Variants in TMEM74 observed in about 807,000 individuals in gnomAD.
TMEM74 encodes the protein transmembrane protein 74.
In TMEM74, 13 loss-of-function variants were observed where a neutral mutation model predicts 18.1. The ratio of observed to expected loss-of-function variants is 0.72; its 90% CI spans 0.47 to 1.14. The LOEUF is 1.14. Among genes scored for constraint, TMEM74 ranks in the 50% most tolerant of loss-of-function variants. The pLI, the probability that TMEM74 is intolerant of heterozygous loss-of-function variation, is 0.00. For missense variants in TMEM74, 372 were observed against 375.9 expected, an observed-to-expected ratio of 0.99 and a Z score of 0.09; for synonymous variants, 159 against 146.6, an observed-to-expected ratio of 1.08 and a Z score of -0.61.
chr8:108,745,735 A>G (rs377651986), intron 1 of TMEM74, among the ~76,000 whole-genome samples: 48 of 152,292 alleles, frequency 3.2e-4, no homozygotes, highest in African/African-American at 1.2e-3. Flanking sequence ...CAAAGAAAGA[A>G]GAAGTAAAAA....
chr8:108,642,391 C>CAA (rs34602005), intron 2 of TMEM74, among the ~76,000 whole-genome samples: 1,112 of 63,342 alleles, frequency 0.018, 37 homozygotes, highest in African/African-American at 0.063. Context: ...GACTCCATCT[C>CAA]AAAAAAAAAA....
chr8:108,657,540 A>G (rs1812831775), intron 1 of TMEM74, among the ~76,000 whole-genome samples: 2 of 151,948 alleles, frequency 1.3e-5, no homozygotes, highest in Non-Finnish European at 2.9e-5. Flanking sequence ...CCAAACCCCA[A>G]CTAAACCAAG....
intron 1 of TMEM74, among the ~76,000 whole-genome samples, chr8:108,738,334 C>T (rs1359471194): frequency 1.3e-5 from 2 of 152,188 alleles, no homozygotes; most frequent in East Asian, 1.9e-4. Flanking sequence ...TGTTTGTGCA[C>T]AGTTCAGAAC....
intron 1 of TMEM74, among the ~76,000 whole-genome samples, chr8:108,707,719 A>T (rs953283448): frequency 2.6e-5 from 4 of 152,198 alleles, no homozygotes; most frequent in Non-Finnish European, 5.9e-5. Flanking sequence ...CTTAACTGTA[A>T]GAACAGAAAC....
chr8:108,652,735 T>C (rs1812786605), intron 2 of TMEM74: 2 of 520,696 alleles, frequency 3.8e-6, no homozygotes, highest in Admixed American at 5.8e-5. Flanking sequence ...AAAGAGATTC[T>C]TTTGGAAGAC....
chr8:108,674,021 G>C (rs1813029646), intron 1 of TMEM74, among the ~76,000 whole-genome samples: 1 of 152,098 alleles, frequency 6.6e-6, no homozygotes, highest in Non-Finnish European at 1.5e-5. Flanking sequence ...TGAATGCCTA[G>C]ACTAGGTAAA....
intron 1 of TMEM74, among the ~76,000 whole-genome samples, chr8:108,743,582 T>C (rs547948610): frequency 1.3e-5 from 2 of 152,268 alleles, no homozygotes; most frequent in South Asian, 2.1e-4. Context: ...GAAAAATATA[T>C]AGCTTTCTTG....
At chr8:108,732,236 GA>G (rs1455421145) in intron 1 of TMEM74, among the ~76,000 whole-genome samples, 3 of 152,172 alleles carry the variant, frequency 2.0e-5, no homozygotes, top group African/African-American at 7.2e-5. Flanking sequence ...AGTGCTGAGT[GA>G]AATTTTAAAA....
intron 1 of TMEM74, among the ~76,000 whole-genome samples, chr8:108,744,945 C>A (rs1813835120): frequency 6.6e-6 from 1 of 152,138 alleles, no homozygotes; most frequent in African/African-American, 2.4e-5. Flanking sequence ...AGCCTCCCAG[C>A]TTAATCTTCC....
intron 1 of TMEM74, among the ~76,000 whole-genome samples, chr8:108,728,746 C>G (rs1473318040): frequency 6.6e-6 from 1 of 152,204 alleles, no homozygotes; most frequent in Non-Finnish European, 1.5e-5. Flanking sequence ...CTAAAGTCAT[C>G]AGTGTAACCT....
intron 1 of TMEM74, among the ~76,000 whole-genome samples, chr8:108,688,565 A>AAT (rs1485269757): frequency 2.0e-5 from 3 of 152,228 alleles, no homozygotes; most frequent in Non-Finnish European, 2.9e-5. Context: ...GGAGAGCAGG[A>AAT]GTACGTATGT....
chr8:108,608,176 C>T (rs980899757), intron 3 of TMEM74, among the ~76,000 whole-genome samples: 1 of 151,748 alleles, frequency 6.6e-6, no homozygotes, highest in Non-Finnish European at 1.5e-5. Flanking sequence ...GTGGTGCGTG[C>T]CTGTAGTCCC....
At chr8:108,741,319 G>A (rs567589753) in intron 1 of TMEM74, among the ~76,000 whole-genome samples, 15 of 152,236 alleles carry the variant, frequency 9.9e-5, no homozygotes, top group Non-Finnish European at 1.3e-4. Context: ...AGGTTGAGTG[G>A]TTTAGGTTTA....
intron 1 of TMEM74, among the ~76,000 whole-genome samples, chr8:108,725,899 A>C (rs780206179): frequency 6.6e-5 from 10 of 152,194 alleles, no homozygotes; most frequent in African/African-American, 2.4e-4. Flanking sequence ...TTTTGTAGGA[A>C]GTACTAATAT....
intron 2 of TMEM74, among the ~76,000 whole-genome samples, chr8:108,622,916 G>A (rs994294514): frequency 6.6e-6 from 1 of 151,932 alleles, no homozygotes; most frequent in Non-Finnish European, 1.5e-5. Flanking sequence ...CATATTTTAT[G>A]TGCTAAGAAT....
intron 1 of TMEM74, among the ~76,000 whole-genome samples, chr8:108,673,226 C>T (rs1813020821): frequency 1.3e-5 from 2 of 152,182 alleles, no homozygotes; most frequent in South Asian, 4.1e-4. Flanking sequence ...CTGTTATCCT[C>T]ACACACAGAT....
chr8:108,740,937 A>C (rs2130645985), intron 1 of TMEM74, among the ~76,000 whole-genome samples: 1 of 152,338 alleles, frequency 6.6e-6, no homozygotes, highest in South Asian at 2.1e-4. Flanking sequence ...AATGACCCAA[A>C]TATCATCAAA....
chr8:108,678,938 C>T (rs1813084679), intron 1 of TMEM74, among the ~76,000 whole-genome samples: 1 of 144,744 alleles, frequency 6.9e-6, no homozygotes, highest in Non-Finnish European at 1.5e-5. Context: ...TGATGTTCCC[C>T]TTCCTGCGTC....
intron 1 of TMEM74, among the ~76,000 whole-genome samples, chr8:108,702,753 TC>T (rs1189993052): frequency 2.8e-5 from 2 of 71,394 alleles, no homozygotes; most frequent in African/African-American, 5.5e-5. Context: ...CCCTCCCCCC[TC>T]CCCCCACCTC....
Sources: allele counts gnomAD v4.1 joint callset (sites outside exome capture counted in the v4.1 genomes callset), GRCh38; gene constraint gnomAD v4.1.1; transcripts MANE v1.5; gene names NCBI Gene and HGNC (gene_info 2026-07-23, HGNC 2026-07-21).